Variants in PCDHA8 observed in about 807,000 individuals in gnomAD.
The protein encoded by PCDHA8 is protocadherin alpha-8.
PCDHA8 carries 53 observed loss-of-function variants against 61.8 expected under a neutral mutation model. That is an observed-to-expected ratio of 0.86 (90% CI 0.69 to 1.08). The LOEUF (loss-of-function observed/expected upper bound fraction) is 1.08. Among genes scored for constraint, PCDHA8 ranks in the 50% least tolerant of loss-of-function variants. The probability of loss-of-function intolerance (pLI) is 0.00; values close to 1 mark genes in which losing one functional copy is unlikely to be tolerated. For missense variants in PCDHA8, 1,293 were observed against 1,245.0 expected, an observed-to-expected ratio of 1.04 and a Z score of -0.58; for synonymous variants, 618 against 556.6, an observed-to-expected ratio of 1.11 and a Z score of -1.55.
intron 1 of PCDHA8, chr5:140,967,283 C>T: frequency 6.2e-7 from 1 of 1,613,158 alleles, no homozygotes; most frequent in Non-Finnish European, 8.5e-7. Context: ...AGAGAGTGCG[C>T]AGGACCCCGA....
chr5:140,879,973 C>T (rs1554171113), intron 1 of PCDHA8, among the ~76,000 whole-genome samples: 1 of 152,200 alleles, frequency 6.6e-6, no homozygotes, highest in East Asian at 1.9e-4. Context: ...GGATAAACTC[C>T]TTTCAAGATC....
At chr5:140,950,580 C>T (rs2094499075) in intron 1 of PCDHA8, among the ~76,000 whole-genome samples, 1 of 151,958 alleles carries the variant, frequency 6.6e-6, no homozygotes, top group South Asian at 2.1e-4. Context: ...TTTCTACTTA[C>T]CTTTGGTTTA....
intron 1 of PCDHA8, chr5:140,862,283 C>T (rs565843609): frequency 1.5e-5 from 4 of 263,874 alleles, no homozygotes; most frequent in African/African-American, 8.7e-5. Flanking sequence ...ATTCCCTGTA[C>T]AGGAGGACGC....
At chr5:140,862,706 G>A in intron 1 of PCDHA8, 1 of 558,712 alleles carries the variant, frequency 1.8e-6, no homozygotes, top group South Asian at 1.4e-5. Context: ...ATGGAACAGC[G>A]GGTGGGCGAG....
chr5:140,853,241 T>C (rs1032355023), intron 1 of PCDHA8: 4 of 978,568 alleles, frequency 4.1e-6, no homozygotes, highest in Admixed American at 6.3e-5. Context: ...TCCTTCATAT[T>C]AATCTCTATT....
At chr5:140,981,537 G>A (rs375537131) in intron 2 of PCDHA8, among the ~76,000 whole-genome samples, 2 of 152,172 alleles carry the variant, frequency 1.3e-5, no homozygotes, top group East Asian at 1.9e-4. Flanking sequence ...TCGTGCCACT[G>A]TACTCCAGCC....
rs2150411782 is a variant in PCDHA8 at position 140,848,517 on chromosome 5, G to T, written c.2394+4802G>T. 2.4e-5 allele frequency: 38 copies of T among 1,592,614 alleles called. 5 individuals carry two copies. The highest frequency in any genetic ancestry group is 3.3e-4 in the Middle Eastern group (2 of 5,984). On this transcript the variant is annotated intron_variant, in intron 1 of 3. Coordinates refer to ENST00000531613, the MANE Select transcript of PCDHA8 (RefSeq NM_018911.3). ...TGAAATGTTATACTCAAGTCGAGGAGATCCAGAGGGTCAGCCTCTACTGCT... is the reference window on the plus strand; with the variant it reads ...TGAAATGTTATACTCAAGTCGAGGATATCCAGAGGGTCAGCCTCTACTGCT...
intron 3 of PCDHA8, among the ~76,000 whole-genome samples, chr5:140,995,128 C>T (rs2097665772): frequency 6.6e-6 from 1 of 152,146 alleles, no homozygotes; most frequent in African/African-American, 2.4e-5. Context: ...ATGCCTGAAA[C>T]CTCATTTAGT....
chr5:140,869,200 T>C, intron 1 of PCDHA8: 1 of 1,614,000 alleles, frequency 6.2e-7, no homozygotes, highest in East Asian at 2.2e-5. Flanking sequence ...CCAGCTCCAC[T>C]ACTCCGTCTC....
At chr5:140,927,040 A>G in intron 1 of PCDHA8, 1 of 1,612,350 alleles carries the variant, frequency 6.2e-7, no homozygotes, top group Non-Finnish European at 8.5e-7. Context: ...AGCGGCCGCT[A>G]TGTCCTCGCG....
At chr5:141,005,130 T>C (rs2153983471) in intron 3 of PCDHA8, among the ~76,000 whole-genome samples, 1 of 152,358 alleles carries the variant, frequency 6.6e-6, no homozygotes, top group South Asian at 2.1e-4. Flanking sequence ...CAAAAGTGCC[T>C]CATTGGAGAG....
At chr5:140,869,052 T>G in intron 1 of PCDHA8, 1 of 1,543,852 alleles carries the variant, frequency 6.5e-7, no homozygotes. Flanking sequence ...AACTGAAGAA[T>G]CTGGTACTGT....
At position 140,885,065 on chromosome 5, in the gene PCDHA8, T is replaced by TA. The variant is rs1440762512; in HGVS notation, c.2394+41351dup. ...TTAATGTATACATATACCCACAAGATATTATTTTAAAGAGCCCCATAACTT... is the reference window on the plus strand; with the variant it reads ...TTAATGTATACATATACCCACAAGATAATTATTTTAAAGAGCCCCATAACTT... On this transcript the variant is annotated intron_variant, in intron 1 of 3. Coordinates refer to ENST00000531613, the MANE Select transcript of PCDHA8 (RefSeq NM_018911.3). Among the ~76,000 whole-genome samples the TA allele has an allele frequency of 7.2e-5, 11 of 152,294 alleles. 1 individual carries two copies. Among genetic ancestry groups the TA allele is most frequent in the African/African-American group, 2.6e-4 (11 of 41,580 alleles).
At chr5:140,890,112 T>C (rs2062493777) in intron 1 of PCDHA8, among the ~76,000 whole-genome samples, 1 of 152,184 alleles carries the variant, frequency 6.6e-6, no homozygotes, top group Non-Finnish European at 1.5e-5. Flanking sequence ...CTGGATTCAA[T>C]GATGTCACTT....
chr5:140,953,851 GC>G (rs1458424600), intron 1 of PCDHA8, among the ~76,000 whole-genome samples: 6 of 152,108 alleles, frequency 3.9e-5, no homozygotes, highest in African/African-American at 1.2e-4. Context: ...GTAAACATGT[GC>G]CATGGTGGTT....
At chr5:140,997,840 A>G (rs2097788062) in intron 3 of PCDHA8, among the ~76,000 whole-genome samples, 2 of 152,216 alleles carry the variant, frequency 1.3e-5, no homozygotes, top group Non-Finnish European at 2.9e-5. Flanking sequence ...AATACAATAT[A>G]CATTCTTATA....
chr5:140,842,467 C>T lies in PCDHA8; in HGVS notation c.1146C>T (p.Asn382=), dbSNP rs1554139064. The T allele has an allele frequency of 1.9e-6, 3 of 1,613,802 alleles. No individual in the cohort carries two copies. The highest frequency in any genetic ancestry group is 2.2e-5 in the East Asian group (1 of 44,896). The change falls in exon 1 of 4, where the codon AAC becomes AAT. Residue 382 remains asparagine (N), a synonymous_variant. Coordinates refer to ENST00000531613, the MANE Select transcript of PCDHA8 (RefSeq NM_018911.3). The part of the protein sequence containing the change: ...ISVNDLDSGA[N]GQVTCSLMPH... Reference sequence around the variant, plus strand: ...TGAACGACCTCGATTCAGGTGCCAACGGGCAGGTGACCTGCTCCCTGATGC... The same window carrying T: ...TGAACGACCTCGATTCAGGTGCCAATGGGCAGGTGACCTGCTCCCTGATGC...
chr5:140,889,518 ATAT>A (rs2062258374), intron 1 of PCDHA8, among the ~76,000 whole-genome samples: 1 of 151,708 alleles, frequency 6.6e-6, no homozygotes, highest in South Asian at 2.1e-4. Flanking sequence ...TCCATTCTTG[ATAT>A]TATTTTTGCT....
chr5:141,003,574 A>G (rs559561339), intron 3 of PCDHA8, among the ~76,000 whole-genome samples: 22 of 151,680 alleles, frequency 1.5e-4, no homozygotes, highest in Admixed American at 3.9e-4. Context: ...CAGACTCCCA[A>G]AGTGCTGGGA....
Sources: allele counts gnomAD v4.1 joint callset (sites outside exome capture counted in the v4.1 genomes callset), GRCh38; gene constraint gnomAD v4.1.1; transcripts MANE v1.5; gene names NCBI Gene and HGNC (gene_info 2026-07-23, HGNC 2026-07-21).